RAB10: variants seen among roughly 807,000 people sequenced by gnomAD.
RAB10 encodes ras-related protein Rab-10.
RAB10 carries 5 observed loss-of-function variants against 25.7 expected under a neutral mutation model. The observed-to-expected ratio is 0.19, with a 90% CI of 0.10 to 0.41. The LOEUF is 0.41. Among genes scored for constraint, RAB10 ranks in the 10% least tolerant of loss-of-function variants. The pLI is 1.00. For synonymous variants in RAB10, 89 were observed against 86.4 expected (o/e 1.03, Z -0.16); for missense variants, 103 against 245.8 (o/e 0.42, Z 3.89).
intron 1 of RAB10, among the ~76,000 whole-genome samples, chr2:26,086,013 AAAAAG>A (rs1666976670): frequency 7.2e-6 from 1 of 139,438 alleles, no homozygotes; most frequent in South Asian, 2.5e-4. Flanking sequence ...AAAAAAAAAA[AAAAAG>A]GGGGGGGGCA....
chr2:26,033,781 G>A (rs560030916), upstream of RAB10, among the ~76,000 whole-genome samples: 17 of 152,134 alleles, frequency 1.1e-4, no homozygotes, highest in Admixed American at 2.6e-4. Flanking sequence ...AGCGGGGAGC[G>A]GGAGGCGGGA....
rs530137856 is a variant in RAB10 at position 26,109,727 on chromosome 2, T to C, written c.189-41T>C. On this transcript the variant is annotated intron_variant, in intron 2 of 5. Coordinates refer to ENST00000264710, the MANE Select transcript of RAB10 (RefSeq NM_016131.5). ...TTGTCCTTTATGTGAAATGTAGTAATATCAAAATGCTTAATAGAAATTATT... is the reference window on the plus strand; with the variant it reads ...TTGTCCTTTATGTGAAATGTAGTAACATCAAAATGCTTAATAGAAATTATT... 112 of 1,494,766 alleles carry C rather than the reference T, an allele frequency of 7.5e-5. 1 individual carries two copies. In the South Asian group the frequency reaches 1.5e-3, roughly 19 times the overall value. 92.6% of individuals were successfully genotyped at this position (1,494,766 alleles called of 1,614,324 possible). A position where few individuals can be genotyped will look rare whatever the true frequency, so the allele number is the denominator to read the frequency against.
At chr2:26,055,302 G>A (rs1666235022) in intron 1 of RAB10, among the ~76,000 whole-genome samples, 1 of 152,066 alleles carries the variant, frequency 6.6e-6, no homozygotes, top group Middle Eastern at 3.4e-3. Context: ...TACATTGTGG[G>A]AAATACAGGC....
At chr2:26,041,042 T>C (rs757018368) in intron 1 of RAB10, among the ~76,000 whole-genome samples, 3 of 152,034 alleles carry the variant, frequency 2.0e-5, no homozygotes, top group Non-Finnish European at 4.4e-5. Context: ...TTTGTCTTTT[T>C]TTTTTTTCTC....
At position 26,085,297 on chromosome 2, in the gene RAB10, T is replaced by C. The variant is rs375384647; in HGVS notation, c.128-13365T>C. Among the ~76,000 whole-genome samples, 7 of 151,962 alleles carry C rather than the reference T, an allele frequency of 4.6e-5. No homozygotes were observed. In the East Asian group the frequency reaches 1.2e-3, roughly 25 times the overall value. On this transcript the variant is annotated intron_variant, in intron 1 of 5. Transcript: ENST00000264710. ...TGAGGGCAGGAGTTTGAGACCAGCC[T>C]GACCAACATGGTAAAACCTCATCTC...
At chr2:26,120,712 C>T (rs1403942915) in intron 3 of RAB10, among the ~76,000 whole-genome samples, 1 of 151,884 alleles carries the variant, frequency 6.6e-6, no homozygotes, top group African/African-American at 2.4e-5. Context: ...GCCTCAGCCT[C>T]CTGAGTAGCT....
intron 1 of RAB10, among the ~76,000 whole-genome samples, chr2:26,087,015 G>A (rs997182514): frequency 1.3e-5 from 2 of 152,150 alleles, no homozygotes; most frequent in African/African-American, 4.8e-5. Context: ...TCGTTTTGAG[G>A]TGATGAAAAC....
chr2:26,067,513 A>C (rs576837294), intron 1 of RAB10, among the ~76,000 whole-genome samples: 1 of 152,340 alleles, frequency 6.6e-6, no homozygotes, highest in Non-Finnish European at 1.5e-5. Context: ...GCCATGGCAC[A>C]GATGATGGAT....
At chr2:26,077,977 TA>T (rs1027595735) in intron 1 of RAB10, among the ~76,000 whole-genome samples, 5 of 150,280 alleles carry the variant, frequency 3.3e-5, no homozygotes, top group South Asian at 2.1e-4. Context: ...AGACTCCGTC[TA>T]AAAAAAAATA....
At chr2:26,060,166 A>G (rs1460145744) in intron 1 of RAB10, among the ~76,000 whole-genome samples, 3 of 152,216 alleles carry the variant, frequency 2.0e-5, no homozygotes, top group African/African-American at 2.4e-5. Context: ...GAATTCTCTA[A>G]TATGGAGGGG....
Position 26,136,038 on chromosome 2 carries a change from C to T in RAB10, c.*1017C>T, listed in dbSNP as rs960131040. 2 of 152,668 alleles carry T rather than the reference C, an allele frequency of 1.3e-5. No individual in the cohort carries two copies. Among genetic ancestry groups the T allele is most frequent in the Non-Finnish European group, 1.5e-5 (1 of 68,068 alleles). The allele number at this position is 152,668 out of a possible 1,614,324, so 9.5% of individuals were successfully genotyped here. ...TTTGCTGTTTTACTTCTATGTTCTG[C>T]TTTTCCTCCTCTCTTTGTTCCCTTC... On this transcript the variant is annotated 3_prime_UTR_variant, in exon 6 of 6. Coordinates refer to ENST00000264710, the MANE Select transcript of RAB10 (RefSeq NM_016131.5).
At chr2:26,127,668 G>A (rs939119501) in intron 4 of RAB10, among the ~76,000 whole-genome samples, 182 bp from the exon 5 acceptor site, 5 of 152,174 alleles carry the variant, frequency 3.3e-5, no homozygotes, top group African/African-American at 1.2e-4. Flanking sequence ...AACTTTTGGG[G>A]TAAGGAGATT....
intron 2 of RAB10, among the ~76,000 whole-genome samples, chr2:26,104,191 T>G (rs1335842539): frequency 6.6e-6 from 1 of 152,206 alleles, no homozygotes; most frequent in Non-Finnish European, 1.5e-5. Context: ...CATTTTACAT[T>G]GTCACCAACA....
At chr2:26,089,831 T>A (rs1409228569) in intron 1 of RAB10, among the ~76,000 whole-genome samples, 1 of 152,118 alleles carries the variant, frequency 6.6e-6, no homozygotes, top group Non-Finnish European at 1.5e-5. Context: ...AATATTTTGG[T>A]TAACTGCTAA....
At position 26,136,285 on chromosome 2, in the gene RAB10, G is replaced by A. The variant is rs1489272143; in HGVS notation, c.*1264G>A. The A allele has an allele frequency of 1.3e-5, 2 of 152,580 alleles. No individual in the cohort carries two copies. The highest frequency in any genetic ancestry group is 2.4e-5 in the African/African-American group (1 of 41,420). The allele number at this position is 152,580 out of a possible 1,614,324, so 9.5% of individuals were successfully genotyped here. On this transcript the variant is annotated 3_prime_UTR_variant, in exon 6 of 6. Transcript: ENST00000264710. ...AAAAAAGGAAAAGCAGGAAGGAGGA[G>A]TGAATTTTATTAACATGTTTGCCAA...
At chr2:26,105,048 A>G (rs189734715) in intron 2 of RAB10, among the ~76,000 whole-genome samples, 108 of 152,074 alleles carry the variant, frequency 7.1e-4, no homozygotes, top group Non-Finnish European at 1.2e-3. Context: ...TTTTGAGGTA[A>G]TTTTTATATA....
At chr2:26,086,239 T>C (rs1666985349) in intron 1 of RAB10, among the ~76,000 whole-genome samples, 1 of 151,986 alleles carries the variant, frequency 6.6e-6, no homozygotes, top group Non-Finnish European at 1.5e-5. Flanking sequence ...TGAGCTGAGC[T>C]TACACCATTG....
intron 5 of RAB10, among the ~76,000 whole-genome samples, chr2:26,134,569 A>G (rs188752796): frequency 6.6e-6 from 1 of 152,342 alleles, no homozygotes; most frequent in East Asian, 1.9e-4. Flanking sequence ...TATTTCTGTG[A>G]CGTTACATAT....
At chr2:26,045,955 T>A (rs1183868869) in intron 1 of RAB10, among the ~76,000 whole-genome samples, 2 of 152,178 alleles carry the variant, frequency 1.3e-5, no homozygotes, top group Non-Finnish European at 2.9e-5. Context: ...CTTGTAAAGG[T>A]CATAGAGGTG....
Sources: gnomAD v4.1 joint callset for allele counts (sites outside exome capture counted in the v4.1 genomes callset) on GRCh38, gnomAD v4.1.1 for gene constraint, MANE v1.5 for transcripts, NCBI Gene and HGNC (gene_info 2026-07-23, HGNC 2026-07-21) for gene names.